The following TENM2 variants were observed in gnomAD, a reference collection of about 807,000 sequenced individuals.
TENM2 encodes the protein teneurin-2.
TENM2 carries 52 observed loss-of-function variants against 245.2 expected under a neutral mutation model. The ratio of observed to expected loss-of-function variants is 0.21; its 90% CI spans 0.17 to 0.27. The LOEUF is 0.27. Among genes scored for constraint, TENM2 ranks in the 10% least tolerant of loss-of-function variants. The pLI, the probability that TENM2 is intolerant of heterozygous loss-of-function variation, is 1.00. For missense variants in TENM2, 3,046 were observed against 3,666.8 expected (o/e 0.83, Z 4.37); for synonymous variants, 1,363 against 1,438.9 (o/e 0.95, Z 1.19).
intron 1 of TENM2, among the ~76,000 whole-genome samples, chr5:167,369,086 T>C (rs1760245434): frequency 6.6e-6 from 1 of 152,146 alleles, no homozygotes; most frequent in African/African-American, 2.4e-5. Context: ...GCTTGTTTTG[T>C]CTGCTGCCGT....
intron 2 of TENM2, among the ~76,000 whole-genome samples, chr5:167,699,701 G>A (rs947515815): frequency 6.6e-6 from 1 of 152,144 alleles, no homozygotes; most frequent in Non-Finnish European, 1.5e-5. Context: ...CTTCTGAATC[G>A]AACATCCCTC....
At chr5:167,307,741 G>A (rs1755762006) in intron 1 of TENM2, among the ~76,000 whole-genome samples, 1 of 152,138 alleles carries the variant, frequency 6.6e-6, no homozygotes, top group African/African-American at 2.4e-5. Flanking sequence ...AGTAAAAAAA[G>A]AAAAATCTGT....
intron 2 of TENM2, among the ~76,000 whole-genome samples, chr5:167,811,953 T>C (rs1173659777): frequency 6.6e-6 from 1 of 152,156 alleles, no homozygotes; most frequent in Non-Finnish European, 1.5e-5. Flanking sequence ...GGTCAGACTA[T>C]TATGCCTAGA....
chr5:167,168,666 T>G, the TENM2 span, among the ~76,000 whole-genome samples: 1 of 152,234 alleles, frequency 6.6e-6, no homozygotes, highest in African/African-American at 2.4e-5. Flanking sequence ...TTCTTTGTGT[T>G]CAGTTGTAGC....
At chr5:167,209,754 G>A in the TENM2 span, among the ~76,000 whole-genome samples, 1 of 151,902 alleles carries the variant, frequency 6.6e-6, no homozygotes, top group African/African-American at 2.4e-5. Context: ...ATTCCTCAGG[G>A]TTCAGGGAAA....
At chr5:167,632,193 G>A (rs1291588111) in intron 2 of TENM2, among the ~76,000 whole-genome samples, 2 of 152,150 alleles carry the variant, frequency 1.3e-5, no homozygotes, top group African/African-American at 4.8e-5. Context: ...GGCTGTAGAG[G>A]CTTCCTGTTG....
At chr5:168,026,704 CAAT>C (rs1230772533) in intron 5 of TENM2, among the ~76,000 whole-genome samples, 2 of 152,022 alleles carry the variant, frequency 1.3e-5, no homozygotes, top group Non-Finnish European at 2.9e-5. Flanking sequence ...AAAATGGATA[CAAT>C]AATAGCACTT....
intron 2 of TENM2, among the ~76,000 whole-genome samples, chr5:167,627,709 C>T (rs544686311): frequency 1.4e-3 from 217 of 152,118 alleles, no homozygotes; most frequent in Middle Eastern, 0.01. Flanking sequence ...AGGTGCCCAC[C>T]GCCATGCCAG....
At chr5:167,074,028 CTTT>C in the TENM2 span, among the ~76,000 whole-genome samples, 1 of 152,112 alleles carries the variant, frequency 6.6e-6, no homozygotes, top group South Asian at 2.1e-4. Flanking sequence ...TTGCTTTTAT[CTTT>C]TTACAGATCA....
intron 2 of TENM2, among the ~76,000 whole-genome samples, chr5:167,405,891 T>G (rs1762613944): frequency 6.6e-6 from 1 of 151,956 alleles, no homozygotes; most frequent in African/African-American, 2.4e-5. Flanking sequence ...ATGTGATTGA[T>G]TTGCCAGGTC....
intron 5 of TENM2, among the ~76,000 whole-genome samples, chr5:167,998,150 A>G (rs1051471994): frequency 6.6e-6 from 1 of 152,212 alleles, no homozygotes; most frequent in African/African-American, 2.4e-5. Context: ...CAGTGCTCCA[A>G]TCCATGGATA....
chr5:167,846,259 G>A (rs576422749), intron 2 of TENM2, among the ~76,000 whole-genome samples: 6 of 152,302 alleles, frequency 3.9e-5, no homozygotes, highest in East Asian at 3.9e-4. Flanking sequence ...CTTCTGCCAC[G>A]TAGTCAGCCC....
chr5:167,960,741 G>A (rs892764409), intron 4 of TENM2, among the ~76,000 whole-genome samples: 7 of 152,120 alleles, frequency 4.6e-5, no homozygotes, highest in African/African-American at 1.2e-4. Context: ...CACCTCTGTG[G>A]TATTAATAAA....
At chr5:167,917,400 G>A (rs1349743334) in intron 3 of TENM2, among the ~76,000 whole-genome samples, 2 of 152,076 alleles carry the variant, frequency 1.3e-5, no homozygotes, top group Non-Finnish European at 2.9e-5. Context: ...TAGATGTGCC[G>A]CACTGGCTTC....
At chr5:167,942,025 C>T (rs1181974172) in intron 3 of TENM2, among the ~76,000 whole-genome samples, 6 of 151,968 alleles carry the variant, frequency 3.9e-5, no homozygotes, top group Admixed American at 6.6e-5. Flanking sequence ...CTGGCCAACA[C>T]GGGGAAACCC....
Position 167,920,247 on chromosome 5 carries a change from A to G in TENM2, c.713-32341A>G, listed in dbSNP as rs536004449. ...TGGCTCACACCTGTAATCCCAACAC[A>G]TTGGGAGGCCGAGGAGGGTGGATCA... On this transcript the variant is annotated intron_variant, in intron 3 of 28. Coordinates refer to ENST00000518659, the Ensembl canonical transcript of TENM2. Among the ~76,000 whole-genome samples, 9 of 150,936 alleles carry G rather than the reference A, an allele frequency of 6.0e-5. No homozygotes were observed. In the South Asian group the frequency reaches 1.9e-3, roughly 32 times the overall value.
chr5:167,446,228 C>T (rs186148407), intron 2 of TENM2, among the ~76,000 whole-genome samples: 111 of 152,224 alleles, frequency 7.3e-4, no homozygotes, highest in East Asian at 3.5e-3. Flanking sequence ...CTCTGAAAGG[C>T]GAGTGAACAC....
At chr5:167,719,090 A>G (rs1290660244) in intron 2 of TENM2, among the ~76,000 whole-genome samples, 3 of 152,222 alleles carry the variant, frequency 2.0e-5, no homozygotes, top group Non-Finnish European at 4.4e-5. Flanking sequence ...TTTATATGCA[A>G]ATAAAGACAA....
chr5:167,389,696 G>A (rs1236513728), intron 2 of TENM2, among the ~76,000 whole-genome samples: 1 of 152,160 alleles, frequency 6.6e-6, no homozygotes, highest in Non-Finnish European at 1.5e-5. Flanking sequence ...AACATACACA[G>A]TTATGTGAAA....
Sources: gnomAD v4.1 joint callset for allele counts (sites outside exome capture counted in the v4.1 genomes callset) on GRCh38, gnomAD v4.1.1 for gene constraint, MANE v1.5 for transcripts, NCBI Gene and HGNC (gene_info 2026-07-23, HGNC 2026-07-21) for gene names.